The following KIRREL3 variants were observed in gnomAD, a reference collection of about 807,000 sequenced individuals.
KIRREL3 encodes the protein kin of IRRE-like protein 3.
In KIRREL3, 36 loss-of-function variants were observed where a neutral mutation model predicts 89.7. The ratio of observed to expected loss-of-function variants is 0.40; its 90% CI spans 0.31 to 0.53. The LOEUF is 0.53. Ranked by LOEUF, KIRREL3 falls within the 20% of genes least tolerant of loss-of-function variation. The pLI is 0.49. For missense variants in KIRREL3, 864 were observed against 1,056.6 expected, an observed-to-expected ratio of 0.82 and a Z score of 2.53; for synonymous variants, 445 against 441.4, an observed-to-expected ratio of 1.01 and a Z score of -0.10.
In KIRREL3 at chr11:126,513,042, TG is replaced by T. The variant is rs1958276928; in HGVS notation, c.433+8272del. 6.6e-6 allele frequency among the ~76,000 whole-genome samples: 1 copy of T among 152,116 alleles called. No homozygotes were observed. On this transcript the variant is annotated intron_variant, in intron 4 of 16. Coordinates refer to ENST00000525144, the MANE Select transcript of KIRREL3 (RefSeq NM_032531.4). The surrounding 1 kb of genome is among the most constrained non-coding windows in gnomAD (Gnocchi z 5.9). ...GAGGGCCGTTTGTCCTGCTTGGGTCTGGAGAGTTTCCAATGCCCTGGGGATG... is the reference window on the plus strand; with the variant it reads ...GAGGGCCGTTTGTCCTGCTTGGGTCTGAGAGTTTCCAATGCCCTGGGGATG...
At chr11:126,971,153 A>G (rs1949416449) in intron 1 of KIRREL3, among the ~76,000 whole-genome samples, 2 of 152,158 alleles carry the variant, frequency 1.3e-5, no homozygotes, top group Admixed American at 1.3e-4. Context: ...TATTATCTAC[A>G]TTTCTGATGA....
chr11:126,641,291 CT>C lies in KIRREL3; in HGVS notation c.56-78380del, dbSNP rs1944459224. Among the ~76,000 whole-genome samples the C allele has an allele frequency of 6.6e-6, 1 of 152,050 alleles. No individual in the cohort carries two copies. Among genetic ancestry groups the C allele is most frequent in the African/African-American group, 2.4e-5 (1 of 41,386 alleles). The stretch of plus-strand genomic sequence containing the variant: ...CCTCTGCTACTTTCTTGGCCCGAGC[CT>C]CATCACTTGTTGCTCAGATGGTTGT... On this transcript the variant is annotated intron_variant, in intron 1 of 16. Transcript: ENST00000525144. This position sits in a 1 kb window ranked among gnomAD's most constrained non-coding sequence, Gnocchi z 5.0.
At chr11:126,959,766 A>G (rs1949027998) in intron 1 of KIRREL3, among the ~76,000 whole-genome samples, 1 of 151,770 alleles carries the variant, frequency 6.6e-6, no homozygotes, top group South Asian at 2.1e-4. Context: ...CTCATTACCC[A>G]ACCTGGGGGC....
intron 11 of KIRREL3, among the ~76,000 whole-genome samples, chr11:126,439,314 A>C (rs1426254097): frequency 6.6e-6 from 1 of 151,874 alleles, no homozygotes; most frequent in African/African-American, 2.4e-5. Flanking sequence ...TGGGTGATAG[A>C]GAGAGACTCT....
rs533713677 is a variant in KIRREL3 at position 126,605,284 on chromosome 11, T to C, written c.56-42372A>G. Among the ~76,000 whole-genome samples, 5 of 152,214 alleles carry C rather than the reference T, an allele frequency of 3.3e-5. No individual in the cohort carries two copies. Among genetic ancestry groups the C allele is most frequent in the Non-Finnish European group, 7.3e-5 (5 of 68,042 alleles). On this transcript the variant is annotated intron_variant, in intron 1 of 16. Coordinates refer to ENST00000525144, the MANE Select transcript of KIRREL3 (RefSeq NM_032531.4). This position sits in a 1 kb window ranked among gnomAD's most constrained non-coding sequence, Gnocchi z 5.7. ...CTGCCAGGATTCCAGGCAGGTATAATGTGCTGCACTTAATGTAGAGGATCA... is the reference window on the plus strand; with the variant it reads ...CTGCCAGGATTCCAGGCAGGTATAACGTGCTGCACTTAATGTAGAGGATCA...
intron 1 of KIRREL3, among the ~76,000 whole-genome samples, chr11:126,713,218 C>T (rs1947830158): frequency 1.3e-5 from 2 of 152,144 alleles, no homozygotes; most frequent in African/African-American, 4.8e-5. Context: ...CTGGGATGTG[C>T]AGAAAGGGAG....
In KIRREL3 at chr11:126,652,944, T is replaced by C. The variant is rs577599845; in HGVS notation, c.56-90032A>G. 3.3e-5 allele frequency: 5 copies of C among 152,240 alleles called. No individual in the cohort carries two copies. The East Asian group carries it at 9.7e-4, about 29-fold the overall frequency. 9.4% of individuals were successfully genotyped at this position (152,240 alleles called of 1,614,324 possible). A position where few individuals can be genotyped will look rare whatever the true frequency, so the allele number is the denominator to read the frequency against. On this transcript the variant is annotated intron_variant, in intron 1 of 16. Coordinates refer to ENST00000525144, the MANE Select transcript of KIRREL3 (RefSeq NM_032531.4). This position sits in a 1 kb window ranked among gnomAD's most constrained non-coding sequence, Gnocchi z 4.9. ...TTCTGCTTTGGGTGAGACATCAGTT[T>C]AATTTATATTTGATTAAAAAAGTCA...
In KIRREL3 at chr11:126,474,451, C is replaced by A. The variant is rs1445956747; in HGVS notation, c.434-985G>T. 6.6e-6 allele frequency among the ~76,000 whole-genome samples: 1 copy of A among 152,210 alleles called. No homozygotes were observed. Among genetic ancestry groups the A allele is most frequent in the Non-Finnish European group, 1.5e-5 (1 of 68,032 alleles). Reference sequence around the variant, plus strand: ...AGGGAACCTGGGAGCACCAGGCCGGCCCCTTCCCTGGCAGGGAGCAGGGTA... The same window carrying A: ...AGGGAACCTGGGAGCACCAGGCCGGACCCTTCCCTGGCAGGGAGCAGGGTA... On this transcript the variant is annotated intron_variant, in intron 4 of 16. Coordinates refer to ENST00000525144, the MANE Select transcript of KIRREL3 (RefSeq NM_032531.4). The surrounding 1 kb of genome is among the most constrained non-coding windows in gnomAD (Gnocchi z 6.7).
intron 1 of KIRREL3, among the ~76,000 whole-genome samples, chr11:126,659,379 G>C (rs1474848611): frequency 1.3e-5 from 2 of 152,154 alleles, no homozygotes; most frequent in East Asian, 3.9e-4. Flanking sequence ...AAAAATAGGA[G>C]TTATACTATT....
In KIRREL3 at chr11:126,601,761, T is replaced by G. The variant is rs972574718; in HGVS notation, c.56-38849A>C. Reference sequence around the variant, plus strand: ...TACATTCCTGGACGCCTATTTGGAGTTTCATCCCCCTGAATTCCATCCCCT... The same window carrying G: ...TACATTCCTGGACGCCTATTTGGAGGTTCATCCCCCTGAATTCCATCCCCT... On this transcript the variant is annotated intron_variant, in intron 1 of 16. Transcript: ENST00000525144. This position sits in a 1 kb window ranked among gnomAD's most constrained non-coding sequence, Gnocchi z 5.8. Among the ~76,000 whole-genome samples the G allele has an allele frequency of 6.6e-6, 1 of 151,996 alleles. No individual in the cohort carries two copies. Among genetic ancestry groups the G allele is most frequent in the African/African-American group, 2.4e-5 (1 of 41,346 alleles).
intron 1 of KIRREL3, among the ~76,000 whole-genome samples, chr11:126,921,463 C>T (rs1947285882): frequency 6.6e-6 from 1 of 151,838 alleles, no homozygotes; most frequent in African/African-American, 2.4e-5. Context: ...ATCTATCTAC[C>T]TATCTGTCCA....
intron 1 of KIRREL3, among the ~76,000 whole-genome samples, chr11:126,735,464 G>C (rs1449841975): frequency 1.3e-5 from 2 of 152,088 alleles, no homozygotes; most frequent in African/African-American, 4.8e-5. Context: ...ACTTAATATA[G>C]AAACTAGGCC....
intron 1 of KIRREL3, among the ~76,000 whole-genome samples, chr11:126,957,077 A>G (rs1013228809): frequency 2.6e-5 from 4 of 152,248 alleles, no homozygotes; most frequent in Middle Eastern, 3.2e-3. Context: ...CCACTGTGCC[A>G]GAGCCAATGA....
rs1218397280 is a variant in KIRREL3 at position 126,489,266 on chromosome 11, C to T, written c.434-15800G>A. Among the ~76,000 whole-genome samples, 1 of 152,164 alleles carries T rather than the reference C, an allele frequency of 6.6e-6. No individual in the cohort carries two copies. Among genetic ancestry groups the T allele is most frequent in the Non-Finnish European group, 1.5e-5 (1 of 68,016 alleles). ...CTCGATGGGAGCTTCCTAAGGGAAG[C>T]AGCCCTGTCATGTTCCTCTTTGTCT... is the stretch of plus-strand genomic sequence containing the variant. On this transcript the variant is annotated intron_variant, in intron 4 of 16. Transcript: ENST00000525144. The surrounding 1 kb of genome is among the most constrained non-coding windows in gnomAD (Gnocchi z 5.5).
intron 1 of KIRREL3, among the ~76,000 whole-genome samples, chr11:126,593,516 A>G (rs148959184): frequency 9.5e-4 from 144 of 152,268 alleles, no homozygotes; most frequent in Non-Finnish European, 1.9e-3. Context: ...CCCTCTGGGT[A>G]CAGGTGGGCA....
rs1003610777 is a variant in KIRREL3 at position 126,993,903 on chromosome 11, T to C, written c.55+6552A>G. On this transcript the variant is annotated intron_variant, in intron 1 of 16. Coordinates refer to ENST00000525144, the MANE Select transcript of KIRREL3 (RefSeq NM_032531.4). The surrounding 1 kb of genome is among the most constrained non-coding windows in gnomAD (Gnocchi z 6.1). Reference sequence around the variant, plus strand: ...TTGTCCAGGCATAAGTTAAAAAGAATCTGCATAAGTTAAAAAGAAACTTGC... The same window carrying C: ...TTGTCCAGGCATAAGTTAAAAAGAACCTGCATAAGTTAAAAAGAAACTTGC... Among the ~76,000 whole-genome samples, 1 of 152,168 alleles carries C rather than the reference T, an allele frequency of 6.6e-6. No homozygotes were observed. Among genetic ancestry groups the C allele is most frequent in the African/African-American group, 2.4e-5 (1 of 41,438 alleles).
chr11:126,575,742 C>G lies in KIRREL3; in HGVS notation c.56-12830G>C, dbSNP rs998532944. 7.9e-5 allele frequency among the ~76,000 whole-genome samples: 12 copies of G among 152,090 alleles called. No individual in the cohort carries two copies. Among genetic ancestry groups the G allele is most frequent in the Non-Finnish European group, 1.3e-4 (9 of 68,024 alleles). On this transcript the variant is annotated intron_variant, in intron 1 of 16. Coordinates refer to ENST00000525144, the MANE Select transcript of KIRREL3 (RefSeq NM_032531.4). This position sits in a 1 kb window ranked among gnomAD's most constrained non-coding sequence, Gnocchi z 7.0. ...GAGGAAGGGGCTGCCTGGTGGCTGTCCTGGGGCCGCTGTTCCTTCTATCAG... is the reference window on the plus strand; with the variant it reads ...GAGGAAGGGGCTGCCTGGTGGCTGTGCTGGGGCCGCTGTTCCTTCTATCAG...
Position 126,694,705 on chromosome 11 carries a change from A to T in KIRREL3, c.56-131793T>A, listed in dbSNP as rs150974604. On this transcript the variant is annotated intron_variant, in intron 1 of 16. Coordinates refer to ENST00000525144, the MANE Select transcript of KIRREL3 (RefSeq NM_032531.4). This position sits in a 1 kb window ranked among gnomAD's most constrained non-coding sequence, Gnocchi z 4.4. ...CTATGAGCCACCTTTTTTAAAAAAA[A>T]TTCTCTACAGAGAGGTGAATACTGG... Among the ~76,000 whole-genome samples the T allele has an allele frequency of 4.7e-4, 71 of 152,294 alleles. No individual in the cohort carries two copies. Among genetic ancestry groups the T allele is most frequent in the African/African-American group, 1.5e-3 (62 of 41,570 alleles).
At chr11:126,907,467 C>T (rs975465531) in intron 1 of KIRREL3, among the ~76,000 whole-genome samples, 1 of 152,112 alleles carries the variant, frequency 6.6e-6, no homozygotes, top group South Asian at 2.1e-4. Context: ...ACACAGTGAG[C>T]TATAAGAAAA....
Sources: allele counts gnomAD v4.1 joint callset (sites outside exome capture counted in the v4.1 genomes callset), GRCh38; gene constraint gnomAD v4.1.1; non-coding constraint Gnocchi (gnomAD v3.1); transcripts MANE v1.5; gene names NCBI Gene and HGNC (gene_info 2026-07-23, HGNC 2026-07-21).